Variants in TAOK1 observed in about 807,000 individuals in gnomAD.
TAOK1 encodes the protein TAO kinase 1, also known as serine/threonine-protein kinase TAO1.
In TAOK1, 21 loss-of-function variants were observed where a neutral mutation model predicts 138.3. That is an observed-to-expected ratio of 0.15 (90% CI 0.11 to 0.22). The LOEUF (loss-of-function observed/expected upper bound fraction) is 0.22. Among genes scored for constraint, TAOK1 ranks in the 10% least tolerant of loss-of-function variants. TAOK1 has a pLI of 1.00. For missense variants in TAOK1, 651 were observed against 1,227.7 expected (o/e 0.53, Z 7.02); for synonymous variants, 361 against 398.4 (o/e 0.91, Z 1.12).
intron 8 of TAOK1, among the ~76,000 whole-genome samples, chr17:29,483,369 C>T (rs1046724935): frequency 1.3e-5 from 2 of 152,072 alleles, no homozygotes; most frequent in Non-Finnish European, 2.9e-5. Flanking sequence ...TGAGCCACTG[C>T]GCTCATCTAA....
intron 1 of TAOK1, among the ~76,000 whole-genome samples, chr17:29,436,190 CACAG>C (rs541001555): frequency 6.6e-6 from 1 of 152,118 alleles, no homozygotes; most frequent in Non-Finnish European, 1.5e-5. Flanking sequence ...AAAGAATACT[CACAG>C]ACAGTTTTCA....
intron 1 of TAOK1, among the ~76,000 whole-genome samples, chr17:29,422,131 T>C (rs59961373): frequency 2.0e-5 from 3 of 151,836 alleles, no homozygotes; most frequent in African/African-American, 7.3e-5. Flanking sequence ...TCTCCTGACC[T>C]CGTGATCCAC....
At chr17:29,436,500 T>A (rs11649721) in intron 1 of TAOK1, among the ~76,000 whole-genome samples, 21,225 of 152,234 alleles carry the variant, frequency 0.14, 1,583 homozygotes, top group South Asian at 0.24. Flanking sequence ...CAAAGTTATC[T>A]GAAGTCTGTA....
intron 1 of TAOK1, among the ~76,000 whole-genome samples, chr17:29,427,980 G>A (rs1160181885): frequency 1.3e-5 from 2 of 151,480 alleles, no homozygotes; most frequent in South Asian, 4.2e-4. Context: ...TAAGTTGCTC[G>A]CAGACTGAAA....
chr17:29,435,398 A>T (rs942169886), intron 1 of TAOK1, among the ~76,000 whole-genome samples: 14 of 152,198 alleles, frequency 9.2e-5, no homozygotes, highest in African/African-American at 3.4e-4. Context: ...CCTTAGCCCT[A>T]TACTTGACCT....
Position 29,418,870 on chromosome 17 carries a change from A to G in TAOK1, c.-95+27846A>G, listed in dbSNP as rs561421987. ...CTGACTATAGTAAGTTTTAGCATCA[A>G]TTAGAGTTCTTCACGTTTATTCTTT... On this transcript the variant is annotated intron_variant, in intron 1 of 19. Transcript: ENST00000261716. 6.6e-5 allele frequency among the ~76,000 whole-genome samples: 10 copies of G among 151,812 alleles called. No individual in the cohort carries two copies. The South Asian group carries it at 1.7e-3, about 25-fold the overall frequency.
intron 1 of TAOK1, among the ~76,000 whole-genome samples, chr17:29,450,495 T>A (rs895434490): frequency 2.6e-5 from 4 of 152,056 alleles, no homozygotes; most frequent in African/African-American, 9.7e-5. Context: ...CAAAGCCTCT[T>A]AATTATGACA....
intron 3 of TAOK1, among the ~76,000 whole-genome samples, chr17:29,469,486 C>T (rs1016016927): frequency 1.3e-5 from 2 of 152,118 alleles, no homozygotes; most frequent in African/African-American, 4.8e-5. Context: ...TCCCCAGCCT[C>T]TTGCAACCAC....
At chr17:29,538,694 C>G (rs2032265172) in intron 19 of TAOK1, among the ~76,000 whole-genome samples, 1 of 152,146 alleles carries the variant, frequency 6.6e-6, no homozygotes, top group South Asian at 2.1e-4. Flanking sequence ...TGTAAGTCTC[C>G]AAGTGAACCA....
At chr17:29,457,669 G>T (rs1455204881) in intron 2 of TAOK1, among the ~76,000 whole-genome samples, 1 of 151,412 alleles carries the variant, frequency 6.6e-6, no homozygotes, top group Non-Finnish European at 1.5e-5. Flanking sequence ...GCCTCCCAAA[G>T]TGCTGGGATT....
chr17:29,484,713 T>A (rs929547988), intron 8 of TAOK1, among the ~76,000 whole-genome samples: 2 of 152,140 alleles, frequency 1.3e-5, no homozygotes, highest in Non-Finnish European at 2.9e-5. Flanking sequence ...CAAGGGATTC[T>A]CCTGCCTTAG....
intron 12 of TAOK1, among the ~76,000 whole-genome samples, chr17:29,500,076 A>G (rs1484958760): frequency 1.3e-5 from 2 of 152,130 alleles, no homozygotes; most frequent in Non-Finnish European, 2.9e-5. Flanking sequence ...CATTTTGGGA[A>G]GCTGAGGCGG....
chr17:29,393,510 A>T (rs981368974), intron 1 of TAOK1, among the ~76,000 whole-genome samples: 1 of 152,240 alleles, frequency 6.6e-6, no homozygotes, highest in Non-Finnish European at 1.5e-5. Context: ...ATGACCTCTG[A>T]TGCCACTGTC....
chr17:29,512,378 T>TGTTTGGTTTGGTTTGGTTTG (rs71138828), intron 15 of TAOK1: 2 of 149,728 alleles, frequency 1.3e-5, no homozygotes, highest in African/African-American at 4.9e-5. Context: ...GCTTTTTGTT[T>TGTTTGGTTTGGTTTGGTTTG]GTTTGGTTTG....
At position 29,390,790 on chromosome 17, in the gene TAOK1, T is replaced by G. The variant is rs1177867117; in HGVS notation, c.-329T>G. The stretch of plus-strand genomic sequence containing the variant: ...CGCCATCTTAACTGAGCCCAAGCGC[T>G]GAGGGCGCCTCCTCGACCCCGGTCG... On this transcript the variant is annotated 5_prime_UTR_variant, in exon 1 of 20. Coordinates refer to ENST00000261716, the MANE Select transcript of TAOK1 (RefSeq NM_020791.4). 6.6e-6 allele frequency: 1 copy of G among 150,730 alleles called. No individual in the cohort carries two copies. The highest frequency in any genetic ancestry group is 2.0e-4 in the East Asian group (1 of 4,990). 9.3% of individuals were successfully genotyped at this position (150,730 alleles called of 1,614,324 possible).
At chr17:29,495,750 C>A in intron 11 of TAOK1, 23 bp downstream of exon 11, 1 of 1,539,746 alleles carries the variant, frequency 6.5e-7, no homozygotes. Flanking sequence ...AAAATGACTC[C>A]AATATTGAAT....
intron 19 of TAOK1, among the ~76,000 whole-genome samples, chr17:29,537,906 G>C (rs1324026786): frequency 6.6e-6 from 1 of 152,094 alleles, no homozygotes; most frequent in Non-Finnish European, 1.5e-5. Context: ...AAGGTCAGGA[G>C]TTCAAGACCA....
intron 8 of TAOK1, among the ~76,000 whole-genome samples, chr17:29,485,576 C>G (rs2031155443): frequency 6.6e-6 from 1 of 152,126 alleles, no homozygotes; most frequent in Non-Finnish European, 1.5e-5. Flanking sequence ...GAGTTTGAGG[C>G]TGCAGTGAGC....
rs201711851 is a variant in TAOK1, at chr17:29,437,736, T to TC, written c.-94-13719_-94-13718insC. ...TTTTGAACTGCCTTTATATTCTTCT[T>TC]TTTTTTTTTTTTTTTGAGATGGAGT... On this transcript the variant is annotated intron_variant, in intron 1 of 19. Coordinates refer to ENST00000261716, the MANE Select transcript of TAOK1 (RefSeq NM_020791.4). Among the ~76,000 whole-genome samples, 502 of 143,794 alleles carry TC rather than the reference T, an allele frequency of 3.5e-3. 19 individuals carry two copies. The East Asian group carries it at 0.079, about 23-fold the overall frequency. The allele number at this position is 143,794 out of a possible 152,430, so 94.3% of individuals were successfully genotyped here.
Sources: gnomAD v4.1 joint callset for allele counts (sites outside exome capture counted in the v4.1 genomes callset) on GRCh38, gnomAD v4.1.1 for gene constraint, MANE v1.5 for transcripts, NCBI Gene and HGNC (gene_info 2026-07-23, HGNC 2026-07-21) for gene names.